The following NRG1 variants were observed in gnomAD, a reference collection of about 807,000 sequenced individuals.
NRG1 encodes the protein neuregulin 1.
A neutral mutation model predicts 63.8 loss-of-function variants in NRG1; 18 were observed. That is an observed-to-expected ratio of 0.28 (90% CI 0.19 to 0.42). The LOEUF (loss-of-function observed/expected upper bound fraction) is 0.42, where lower values mean the gene tolerates loss of function less well. Among genes scored for constraint, NRG1 ranks in the 10% least tolerant of loss-of-function variants. NRG1 has a pLI of 1.00. For synonymous variants in NRG1, 302 were observed against 301.3 expected, an observed-to-expected ratio of 1.00 and a Z score of -0.02; for missense variants, 762 against 814.7, an observed-to-expected ratio of 0.94 and a Z score of 0.79.
At chr8:32,361,974 GA>G (rs1807273365) in intron 1 of NRG1, among the ~76,000 whole-genome samples, 1 of 152,082 alleles carries the variant, frequency 6.6e-6, no homozygotes, top group South Asian at 2.1e-4. Context: ...TCACAAAGCT[GA>G]CTCCCATGAG....
chr8:32,174,781 G>A (rs997324262), intron 1 of NRG1, among the ~76,000 whole-genome samples: 44 of 152,118 alleles, frequency 2.9e-4, no homozygotes, highest in African/African-American at 9.9e-4. Context: ...GACTAAACCA[G>A]GAAGAAGTTG....
At chr8:31,783,500 C>G (rs976716673) in intron 1 of NRG1, among the ~76,000 whole-genome samples, 7 of 151,794 alleles carry the variant, frequency 4.6e-5, no homozygotes, top group Non-Finnish European at 1.0e-4. Flanking sequence ...TATTTGGAAA[C>G]TCTGAGGCCC....
chr8:31,880,060 G>T (rs1585461097), intron 1 of NRG1, among the ~76,000 whole-genome samples: 2 of 152,188 alleles, frequency 1.3e-5, no homozygotes, highest in East Asian at 3.9e-4. Context: ...GCAGAGAAAA[G>T]AGAACCCTTA....
chr8:32,770,429 G>A (rs1401975679), downstream of NRG1, among the ~76,000 whole-genome samples: 6 of 152,168 alleles, frequency 3.9e-5, no homozygotes, highest in South Asian at 6.2e-4. Flanking sequence ...TTTCTATTGC[G>A]TTCTTCCCCT....
At chr8:31,842,439 T>A (rs1217730175) in intron 1 of NRG1, among the ~76,000 whole-genome samples, 1 of 152,198 alleles carries the variant, frequency 6.6e-6, no homozygotes, top group Non-Finnish European at 1.5e-5. Context: ...CTCAATAATA[T>A]CCAATGAAGC....
chr8:31,931,608 T>A (rs542313454), intron 1 of NRG1, among the ~76,000 whole-genome samples: 1 of 152,182 alleles, frequency 6.6e-6, no homozygotes, highest in South Asian at 2.1e-4. Flanking sequence ...ATAATTATTG[T>A]CTGAAAAAAT....
intron 1 of NRG1, among the ~76,000 whole-genome samples, chr8:31,857,719 A>G (rs189553044): frequency 1.3e-5 from 2 of 152,324 alleles, no homozygotes; most frequent in East Asian, 1.9e-4. Flanking sequence ...ATGACTTACT[A>G]CTTGCTGTTT....
intron 5 of NRG1, among the ~76,000 whole-genome samples, chr8:32,617,104 A>G (rs4535704): frequency 0.32 from 48,170 of 151,984 alleles, 8,072 homozygotes; most frequent in Middle Eastern, 0.37. Context: ...ATTAAAATAC[A>G]CCACAAATGT....
At chr8:32,071,990 A>G (rs1295233642) in intron 1 of NRG1, among the ~76,000 whole-genome samples, 1 of 152,194 alleles carries the variant, frequency 6.6e-6, no homozygotes, top group Non-Finnish European at 1.5e-5. Flanking sequence ...TTAAGGGTAA[A>G]ATAAAGAGAA....
chr8:32,094,582 T>C (rs2131303117), intron 1 of NRG1, among the ~76,000 whole-genome samples: 1 of 152,352 alleles, frequency 6.6e-6, no homozygotes, highest in East Asian at 1.9e-4. Flanking sequence ...AAGATTTGCT[T>C]ATTTCCCAAT....
intron 1 of NRG1, among the ~76,000 whole-genome samples, chr8:31,658,803 G>A (rs1805685498): frequency 6.6e-6 from 1 of 152,196 alleles, no homozygotes; most frequent in African/African-American, 2.4e-5. Flanking sequence ...AGAGGGAAGG[G>A]AGAGTGACTC....
intron 1 of NRG1, among the ~76,000 whole-genome samples, chr8:32,037,454 G>A (rs1350856421): frequency 6.6e-6 from 1 of 152,224 alleles, no homozygotes; most frequent in Non-Finnish European, 1.5e-5. Flanking sequence ...CCTCTTGGCG[G>A]AGAGGGTGTC....
intron 1 of NRG1, among the ~76,000 whole-genome samples, chr8:31,651,253 C>G (rs28729946): frequency 0.23 from 35,714 of 152,130 alleles, 4,588 homozygotes; most frequent in Middle Eastern, 0.26. Context: ...CATTCGCTGG[C>G]ATCGTCTTTT....
intron 1 of NRG1, among the ~76,000 whole-genome samples, chr8:32,564,319 C>G (rs920529507): frequency 5.3e-5 from 8 of 152,180 alleles, no homozygotes; most frequent in African/African-American, 1.4e-4. Context: ...AGTCTATCAC[C>G]TGGAGGTTCG....
chr8:31,918,079 T>A (rs1471214331), intron 1 of NRG1, among the ~76,000 whole-genome samples: 2 of 152,206 alleles, frequency 1.3e-5, no homozygotes, highest in Admixed American at 6.5e-5. Context: ...CTGAAGTTGC[T>A]TATCAGCTTA....
chr8:31,722,817 A>T (rs1013766019), intron 1 of NRG1, among the ~76,000 whole-genome samples: 2 of 152,068 alleles, frequency 1.3e-5, no homozygotes, highest in Middle Eastern at 3.2e-3. Context: ...TTGCCATATT[A>T]CTCCCATTTC....
At chr8:31,666,163 G>A (rs912672486) in intron 1 of NRG1, among the ~76,000 whole-genome samples, 1 of 152,186 alleles carries the variant, frequency 6.6e-6, no homozygotes, top group African/African-American at 2.4e-5. Flanking sequence ...GAGCCATTGA[G>A]CAGATTTCTG....
intron 1 of NRG1, among the ~76,000 whole-genome samples, chr8:32,141,086 A>C (rs1175956890): frequency 1.3e-5 from 2 of 152,036 alleles, no homozygotes; most frequent in Admixed American, 1.3e-4. Context: ...CTCTCTCAAA[A>C]CAGGAAATGT....
intron 1 of NRG1, among the ~76,000 whole-genome samples, chr8:32,320,407 G>A (rs34323095): frequency 0.13 from 20,244 of 152,150 alleles, 1,441 homozygotes; most frequent in South Asian, 0.18. Context: ...CTGAGACTGG[G>A]TAATTTATAG....
Sources: allele counts gnomAD v4.1 joint callset (sites outside exome capture counted in the v4.1 genomes callset), GRCh38; gene constraint gnomAD v4.1.1; transcripts MANE v1.5; gene names NCBI Gene and HGNC (gene_info 2026-07-23, HGNC 2026-07-21).